TFEC: variants seen among roughly 807,000 people sequenced by gnomAD.
TFEC encodes class E basic helix-loop-helix protein 34.
In TFEC, 31 loss-of-function variants were observed where a neutral mutation model predicts 41.6. The observed-to-expected ratio is 0.74, with a 90% confidence interval of 0.56 to 1.01. The LOEUF (loss-of-function observed/expected upper bound fraction) is 1.01. TFEC is among the 50% of genes least tolerant of loss of function. The pLI is 0.00. For missense variants in TFEC, 402 were observed against 404.1 expected, an observed-to-expected ratio of 0.99 and a Z score of 0.04; for synonymous variants, 143 against 140.6, an observed-to-expected ratio of 1.02 and a Z score of -0.12.
rs1280526978 is a variant in TFEC at position 115,958,986 on chromosome 7, G to C, written c.268-2193C>G. 2.0e-5 allele frequency among the ~76,000 whole-genome samples: 3 copies of C among 151,826 alleles called. No individual in the cohort carries two copies. In the East Asian group the frequency reaches 5.8e-4, roughly 30 times the overall value. ...ACAGATTGCATTCACCTGTGAAAAA[G>C]TTTACAAAGAAAACTTCTATCAACA... On this transcript the variant is annotated intron_variant, in intron 3 of 7. Transcript: ENST00000265440.
At chr7:115,972,422 G>A (rs1793175661) in intron 3 of TFEC, among the ~76,000 whole-genome samples, 1 of 152,202 alleles carries the variant, frequency 6.6e-6, no homozygotes, top group Non-Finnish European at 1.5e-5. Flanking sequence ...TTTGCACAAT[G>A]TCTGGACTAG....
chr7:116,144,961 A>G (rs532867963), intron 1 of TFEC, among the ~76,000 whole-genome samples: 1 of 152,254 alleles, frequency 6.6e-6, no homozygotes, highest in African/African-American at 2.4e-5. Context: ...TCTCCAGATA[A>G]ATAGATAGAT....
Position 116,004,276 on chromosome 7 carries a change from A to G in TFEC, c.-72-19763T>C, listed in dbSNP as rs558931074. Among the ~76,000 whole-genome samples, 6 of 152,302 alleles carry G rather than the reference A, an allele frequency of 3.9e-5. No individual in the cohort carries two copies. In the East Asian group the frequency reaches 1.2e-3, roughly 29 times the overall value. Reference sequence around the variant, plus strand: ...AAAATGAGGGAGGACACAAATTATTATCAAAAATAAAAGAATAAATATCTA... The same window carrying G: ...AAAATGAGGGAGGACACAAATTATTGTCAAAAATAAAAGAATAAATATCTA... On this transcript the variant is annotated intron_variant, in intron 1 of 7. Transcript: ENST00000265440.
At chr7:116,093,984 A>G (rs1190875806) in intron 3 of TFEC, among the ~76,000 whole-genome samples, 2 of 152,224 alleles carry the variant, frequency 1.3e-5, no homozygotes, top group Non-Finnish European at 2.9e-5. Context: ...CAGGCTGCAC[A>G]AATTTGAAAG....
intron 2 of TFEC, among the ~76,000 whole-genome samples, chr7:115,977,131 A>T (rs931721035): frequency 2.0e-5 from 3 of 152,156 alleles, no homozygotes; most frequent in Non-Finnish European, 4.4e-5. Flanking sequence ...CTCCATAATT[A>T]AAAACCCAAG....
intron 1 of TFEC, among the ~76,000 whole-genome samples, chr7:116,134,310 A>C (rs1276519611): frequency 1.3e-5 from 2 of 152,110 alleles, no homozygotes; most frequent in African/African-American, 4.8e-5. Context: ...TCTATGCTTG[A>C]CTTCTGTTCT....
At chr7:116,128,178 A>G in intron 1 of TFEC, among the ~76,000 whole-genome samples, 1 of 152,230 alleles carries the variant, frequency 6.6e-6, no homozygotes, top group East Asian at 1.9e-4. Context: ...TAACCAGGTT[A>G]AACCACTCCC....
At position 116,157,927 on chromosome 7, in the gene TFEC, G is replaced by T. The variant is rs1032031084; in HGVS notation, c.-69+1863C>A. On this transcript the variant is annotated intron_variant, in intron 1 of 8. Transcript: ENST00000484212. Reference sequence around the variant, plus strand: ...CATTATTCGGCTTTGAATTTGAAATGTGGCACATATCAGACACCTATCTTC... The same window carrying T: ...CATTATTCGGCTTTGAATTTGAAATTTGGCACATATCAGACACCTATCTTC... Among the ~76,000 whole-genome samples, 3 of 152,138 alleles carry T rather than the reference G, an allele frequency of 2.0e-5. No individual in the cohort carries two copies. In the South Asian group the frequency reaches 6.2e-4, roughly 31 times the overall value.
intron 1 of TFEC, among the ~76,000 whole-genome samples, chr7:115,993,807 T>A (rs1420638420): frequency 6.8e-6 from 1 of 147,812 alleles, no homozygotes; most frequent in Non-Finnish European, 1.5e-5. Flanking sequence ...TTCAATACCA[T>A]CCCCATCAAG....
In TFEC at chr7:116,024,345, A is replaced by C. The variant is rs190018595; in HGVS notation, c.-73+6288T>G. Among the ~76,000 whole-genome samples, 654 of 152,292 alleles carry C rather than the reference A, an allele frequency of 4.3e-3. 12 individuals carry two copies. The highest frequency in any genetic ancestry group is 0.015 in the African/African-American group (627 of 41,576). Reference sequence around the variant, plus strand: ...AAAGAGAACAACAAAGACAAAGTTTAAATTTAAAAGGGTCCTAGAAAAGAC... The same window carrying C: ...AAAGAGAACAACAAAGACAAAGTTTCAATTTAAAAGGGTCCTAGAAAAGAC... On this transcript the variant is annotated intron_variant, in intron 1 of 7. Coordinates refer to ENST00000265440, the MANE Select transcript of TFEC (RefSeq NM_012252.4).
chr7:116,062,871 T>C (rs896111759), intron 3 of TFEC, among the ~76,000 whole-genome samples: 6 of 152,258 alleles, frequency 3.9e-5, no homozygotes, highest in African/African-American at 1.4e-4. Flanking sequence ...ATAATCACTA[T>C]GAAACGCTTT....
intron 1 of TFEC, among the ~76,000 whole-genome samples, chr7:116,013,206 A>G (rs1795066870): frequency 6.6e-6 from 1 of 152,100 alleles, no homozygotes; most frequent in Admixed American, 6.6e-5. Flanking sequence ...TACTTAACTA[A>G]TAAATGCAAT....
intron 1 of TFEC, among the ~76,000 whole-genome samples, chr7:116,138,374 C>T (rs1183835612): frequency 6.6e-6 from 1 of 152,100 alleles, no homozygotes; most frequent in Non-Finnish European, 1.5e-5. Context: ...TCCATTCTGA[C>T]TTTTGTCCAC....
chr7:116,056,743 A>C (rs1016172024), intron 3 of TFEC, among the ~76,000 whole-genome samples: 2 of 152,168 alleles, frequency 1.3e-5, no homozygotes, highest in African/African-American at 4.8e-5. Context: ...ATTTATAGGA[A>C]TACAAAAATA....
At chr7:116,061,808 A>G (rs1796563520) in intron 3 of TFEC, among the ~76,000 whole-genome samples, 1 of 152,184 alleles carries the variant, frequency 6.6e-6, no homozygotes, top group African/African-American at 2.4e-5. Flanking sequence ...ACTTCACCAT[A>G]TAAGGTATAT....
intron 3 of TFEC, among the ~76,000 whole-genome samples, chr7:116,062,206 A>T (rs1169303441): frequency 8.2e-6 from 1 of 122,688 alleles, no homozygotes; most frequent in Non-Finnish European, 1.6e-5. Flanking sequence ...GACTACAGGC[A>T]TGTGCCAACA....
chr7:116,060,706 C>T (rs1033257635), intron 3 of TFEC, among the ~76,000 whole-genome samples: 1 of 152,054 alleles, frequency 6.6e-6, no homozygotes, highest in East Asian at 1.9e-4. Flanking sequence ...CTGGGGTCTA[C>T]ATGAATGGGG....
intron 1 of TFEC, among the ~76,000 whole-genome samples, chr7:116,011,679 A>C (rs531962900): frequency 7.9e-5 from 12 of 152,230 alleles, no homozygotes; most frequent in African/African-American, 2.6e-4. Context: ...TTTGCCTCCC[A>C]ATCTCATGCT....
intron 3 of TFEC, among the ~76,000 whole-genome samples, chr7:116,083,464 C>T (rs908306823): frequency 6.6e-6 from 1 of 151,794 alleles, no homozygotes; most frequent in Admixed American, 6.6e-5. Flanking sequence ...ACTTTTTCTC[C>T]TATTGTGATC....
Sources: gnomAD v4.1 joint callset for allele counts (sites outside exome capture counted in the v4.1 genomes callset) on GRCh38, gnomAD v4.1.1 for gene constraint, MANE v1.5 for transcripts, NCBI Gene and HGNC (gene_info 2026-07-23, HGNC 2026-07-21) for gene names.